The following MAGT1 variants were observed in gnomAD, a reference collection of about 807,000 sequenced individuals.
MAGT1 encodes magnesium transporter 1.
MAGT1 carries 4 observed loss-of-function variants against 28.4 expected under a neutral mutation model. The observed-to-expected ratio is 0.14, with a 90% CI of 0.07 to 0.32. MAGT1 has a LOEUF of 0.32. Among genes scored for constraint, MAGT1 ranks in the 10% least tolerant of loss-of-function variants. MAGT1 has a pLI of 1.00. For missense variants in MAGT1, 193 were observed against 264.5 expected, an observed-to-expected ratio of 0.73 and a Z score of 1.88; for synonymous variants, 89 against 89.7, an observed-to-expected ratio of 0.99 and a Z score of 0.04.
chrX:77,863,884 C>T (rs782440889), intron 3 of MAGT1, among the ~76,000 whole-genome samples: 6 of 110,817 alleles, frequency 5.4e-5, no homozygotes, highest in Admixed American at 1.9e-4. Context: ...ATTAGCCAGG[C>T]GTGGTGGCGC....
intron 1 of MAGT1, among the ~76,000 whole-genome samples, chrX:77,884,244 G>T (rs2077061227): frequency 9.0e-6 from 1 of 111,390 alleles, no homozygotes; most frequent in Admixed American, 9.6e-5. Flanking sequence ...ACATAGCCTG[G>T]AACATTATAA....
intron 8 of MAGT1, among the ~76,000 whole-genome samples, chrX:77,833,173 T>C (rs1293579847): frequency 2.7e-5 from 3 of 112,304 alleles, no homozygotes; most frequent in Admixed American, 9.6e-5. Flanking sequence ...TTCAGAAAAA[T>C]TGAATTCATC....
chrX:77,888,660 G>A (rs187619138), intron 1 of MAGT1, among the ~76,000 whole-genome samples: 96 of 111,078 alleles, frequency 8.6e-4, no homozygotes, highest in African/African-American at 1.6e-3. Context: ...TATTAATTAC[G>A]ATTTAAAGCT....
chrX:77,838,068 A>G (rs2076924486), intron 8 of MAGT1, among the ~76,000 whole-genome samples: 1 of 112,278 alleles, frequency 8.9e-6, no homozygotes, highest in African/African-American at 3.2e-5. Context: ...CATAAAAGGA[A>G]AATCTTGACT....
intron 8 of MAGT1, among the ~76,000 whole-genome samples, chrX:77,834,268 A>G (rs1380182471): frequency 1.0e-5 from 1 of 98,592 alleles, no homozygotes; most frequent in African/African-American, 3.6e-5. Flanking sequence ...GTGTGTATAT[A>G]TGCATATATG....
In MAGT1 at chrX:77,833,835, C is replaced by T. The variant is rs190815354; in HGVS notation, c.902-2940G>A. On this transcript the variant is annotated intron_variant, in intron 8 of 9. Coordinates refer to ENST00000618282, the MANE Select transcript of MAGT1 (RefSeq NM_001367916.1). ...CAATGATAGTCAAAGCTATCCTAAG[C>T]AAAAAGAACAAAACTGGAGGAATCA... Among the ~76,000 whole-genome samples the T allele has an allele frequency of 3.5e-3, 392 of 111,100 alleles. 2 individuals carry two copies. The highest frequency in any genetic ancestry group is 0.012 in the African/African-American group (371 of 30,611).
chrX:77,876,558 C>G, intron 1 of MAGT1, among the ~76,000 whole-genome samples: 1 of 110,621 alleles, frequency 9.0e-6, no homozygotes, highest in South Asian at 3.7e-4. Flanking sequence ...CACAGAACAA[C>G]AGAACAAAAA....
rs1023011439 is a variant in MAGT1 at position 77,892,118 on chromosome X, C to T, written c.102+3191G>A. Among the ~76,000 whole-genome samples, 4 of 110,869 alleles carry T rather than the reference C, an allele frequency of 3.6e-5. No homozygotes were observed. The East Asian group carries it at 8.5e-4, about 24-fold the overall frequency. ...CCAAGTTGGCCAGCCTGGTCTTGAA[C>T]TCCTGACCTCAAGTGATCCACCCGC... On this transcript the variant is annotated intron_variant, in intron 1 of 9. Transcript: ENST00000618282.
chrX:77,829,278 A>T, intron 9 of MAGT1, 43 bp from the exon 10 acceptor site: 1 of 1,095,664 alleles, frequency 9.1e-7, no homozygotes, highest in Non-Finnish European at 1.3e-6. Context: ...TCTGAAAGAA[A>T]AGTAGGATTT....
rs782595247 is a variant in MAGT1 at position 77,847,609 on chromosome X, CTT to C, written c.826+6290_827-6290del. On this transcript the variant is annotated intron_variant, in intron 7 of 9. Transcript: ENST00000618282. ...CTTTTGTTAATGTGATCATTTCTTT[CTT>C]TTTTTTTTTTTTTTTTTGAGATGGA... is the stretch of plus-strand genomic sequence containing the variant. 1.6e-4 allele frequency among the ~76,000 whole-genome samples: 15 copies of C among 93,059 alleles called. No individual in the cohort carries two copies. The South Asian group carries it at 1.9e-3, about 12-fold the overall frequency. The allele number at this position is 93,059 out of a possible 115,157, so 80.8% of individuals were successfully genotyped here.
chrX:77,842,635 T>C (rs782451840), intron 7 of MAGT1, among the ~76,000 whole-genome samples: 3 of 110,898 alleles, frequency 2.7e-5, no homozygotes, highest in East Asian at 5.7e-4. Flanking sequence ...AAGACCAGCC[T>C]GGCCAACATG....
chrX:77,829,811 C>A (rs1434439381), intron 9 of MAGT1, among the ~76,000 whole-genome samples: 2 of 111,396 alleles, frequency 1.8e-5, no homozygotes, highest in African/African-American at 3.3e-5. Flanking sequence ...TAAAAAAAAT[C>A]ATTTCTTCTT....
chrX:77,871,741 C>T (rs1202257467), intron 2 of MAGT1, among the ~76,000 whole-genome samples: 4 of 110,086 alleles, frequency 3.6e-5, no homozygotes, highest in Non-Finnish European at 7.6e-5. Flanking sequence ...ACTCGGGAGG[C>T]TGAGGCAAGA....
intron 3 of MAGT1, among the ~76,000 whole-genome samples, chrX:77,869,488 T>G (rs1473447108): frequency 8.9e-6 from 1 of 111,808 alleles, no homozygotes; most frequent in Non-Finnish European, 1.9e-5. Context: ...GGAGAAAATA[T>G]TTGCAAACTG....
At position 77,831,424 on chromosome X, in the gene MAGT1, T is replaced by A. The variant is rs72628491; in HGVS notation, c.902-529A>T. Among the ~76,000 whole-genome samples, 12 of 111,403 alleles carry A rather than the reference T, an allele frequency of 1.1e-4. 1 individual carries two copies. The East Asian group carries it at 2.8e-3, about 26-fold the overall frequency. ...ATTTCTTAATCTTCAGGAATCTGCCTTCCCCTTTAATTTGCTCCATTACAA... is the reference window on the plus strand; with the variant it reads ...ATTTCTTAATCTTCAGGAATCTGCCATCCCCTTTAATTTGCTCCATTACAA... On this transcript the variant is annotated intron_variant, in intron 8 of 9. Coordinates refer to ENST00000618282, the MANE Select transcript of MAGT1 (RefSeq NM_001367916.1).
chrX:77,865,475 T>G (rs1603362658), intron 3 of MAGT1, among the ~76,000 whole-genome samples: 2 of 108,663 alleles, frequency 1.8e-5, no homozygotes, highest in Non-Finnish European at 3.8e-5. Context: ...GTTTTTTTTT[T>G]GTAGAGACAG....
intron 7 of MAGT1, among the ~76,000 whole-genome samples, chrX:77,850,223 C>T (rs888778675): frequency 2.5e-4 from 28 of 110,438 alleles, no homozygotes; most frequent in Non-Finnish European, 4.5e-4. Flanking sequence ...CGCCTGAAAT[C>T]CTAGCACTTT....
intron 7 of MAGT1, among the ~76,000 whole-genome samples, chrX:77,851,991 T>C (rs1400083624): frequency 9.5e-6 from 1 of 105,103 alleles, no homozygotes; most frequent in Non-Finnish European, 2.0e-5. Context: ...CCCTGCCTCC[T>C]GGGTTCAAGA....
chrX:77,828,890 C>T lies in MAGT1; in HGVS notation c.*330G>A, dbSNP rs782230903. On this transcript the variant is annotated 3_prime_UTR_variant, in exon 10 of 10. Transcript: ENST00000618282. ...ATATAAAATCAGATGACCAAGTTAA[C>T]TAAAGTAGTTTTGAGCTTTGTTCTA... The T allele has an allele frequency of 4.7e-5, 8 of 171,371 alleles. No homozygotes were observed. Among genetic ancestry groups the T allele is most frequent in the Non-Finnish European group, 7.6e-5 (7 of 92,115 alleles). 14.1% of individuals were successfully genotyped at this position (171,371 alleles called of 1,213,427 possible).
Sources: allele counts gnomAD v4.1 joint callset (sites outside exome capture counted in the v4.1 genomes callset), GRCh38; gene constraint gnomAD v4.1.1; transcripts MANE v1.5; gene names NCBI Gene and HGNC (gene_info 2026-07-23, HGNC 2026-07-21).